Variants in FEM1B observed in about 807,000 individuals in gnomAD.
The protein encoded by FEM1B is fem-1 homolog B, also known as protein fem-1 homolog B.
Under a neutral mutation model 38.6 loss-of-function variants are expected in FEM1B, and 10 were observed. The ratio of observed to expected loss-of-function variants is 0.26; its 90% CI spans 0.16 to 0.44. The LOEUF (loss-of-function observed/expected upper bound fraction) is 0.44. FEM1B is among the 20% of genes least tolerant of loss of function. The pLI, the probability that FEM1B is intolerant of heterozygous loss-of-function variation, is 1.00. For missense variants in FEM1B, 471 were observed against 786.7 expected (o/e 0.60, Z 4.80); for synonymous variants, 288 against 288.0 (o/e 1.00, Z 0.00).
chr15:68,290,332 A>G lies in FEM1B; in HGVS notation c.974A>G (p.His325Arg). 1 of 1,614,186 alleles carries G rather than the reference A, an allele frequency of 6.2e-7. No individual in the cohort carries two copies. ...ESIRQDRDALHMEGLIVRERI... is the reference protein window; with the variant it reads ...ESIRQDRDALRMEGLIVRERI... ...ATTCGGCAAGACAGAGATGCTCTTC[A>G]TATGGAAGGCCTTATAGTTCGGGAA... is the stretch of plus-strand genomic sequence containing the variant. Residue 325 changes from histidine to arginine, a missense_variant, in exon 2 of 2, where the codon CAT (histidine) becomes CGT (arginine). Physicochemically the swap from His to Arg is conservative, Grantham distance 29 (BLOSUM62 0). Transcript: ENST00000306917. This position sits in a 1 kb window ranked among gnomAD's most constrained non-coding sequence, Gnocchi z 9.7.
Position 68,291,475 on chromosome 15 carries a change from T to G in FEM1B, c.*233T>G, listed in dbSNP as rs1015142353. The G allele has an allele frequency of 1.1e-5, 5 of 435,120 alleles. No homozygotes were observed. The highest frequency in any genetic ancestry group is 8.2e-5 in the African/African-American group (4 of 49,038). 27.0% of individuals were successfully genotyped at this position (435,120 alleles called of 1,614,324 possible). Reference sequence around the variant, plus strand: ...AACTATAAGGTATTTGCATATTGGTTACCTATTTGTCTTTCTTTTTTTTAA... The same window carrying G: ...AACTATAAGGTATTTGCATATTGGTGACCTATTTGTCTTTCTTTTTTTTAA... On this transcript the variant is annotated 3_prime_UTR_variant, in exon 2 of 2. Transcript: ENST00000306917. The surrounding 1 kb of genome is among the most constrained non-coding windows in gnomAD (Gnocchi z 6.9).
At position 68,293,744 on chromosome 15, in the gene FEM1B, T is replaced by A. The variant is rs560416090; in HGVS notation, c.*2502T>A. The A allele has an allele frequency of 1.6e-4, 25 of 151,894 alleles. No homozygotes were observed. The highest frequency in any genetic ancestry group is 2.4e-4 in the African/African-American group (10 of 41,162). The allele number at this position is 151,894 out of a possible 1,614,324, so 9.4% of individuals were successfully genotyped here. ...TAAGTGATCTACATGCCTGTTTTTT[T>A]AAAATGTTTTTGGTAGAATTGTTTG... On this transcript the variant is annotated 3_prime_UTR_variant, in exon 2 of 2. Transcript: ENST00000306917. The surrounding 1 kb of genome is among the most constrained non-coding windows in gnomAD (Gnocchi z 5.8).
rs1177277603 is a variant in FEM1B, at chr15:68,280,592, C to A, written c.248+1927C>A. Among the ~76,000 whole-genome samples the A allele has an allele frequency of 6.6e-6, 1 of 152,122 alleles. No individual in the cohort carries two copies. Among genetic ancestry groups the A allele is most frequent in the African/African-American group, 2.4e-5 (1 of 41,428 alleles). Reference sequence around the variant, plus strand: ...TGTGTTTTAAAGAATAGTAGTAGGACATGAAGAAGAGGGGCAGCAGCTTGG... The same window carrying A: ...TGTGTTTTAAAGAATAGTAGTAGGAAATGAAGAAGAGGGGCAGCAGCTTGG... On this transcript the variant is annotated intron_variant, in intron 1 of 1. Transcript: ENST00000306917. The surrounding 1 kb of genome is among the most constrained non-coding windows in gnomAD (Gnocchi z 4.2).
In FEM1B at chr15:68,280,568, G is replaced by C. The variant is rs1172023607; in HGVS notation, c.248+1903G>C. 5.3e-5 allele frequency among the ~76,000 whole-genome samples: 8 copies of C among 152,206 alleles called. No homozygotes were observed. The highest frequency in any genetic ancestry group is 4.6e-4 in the Admixed American group (7 of 15,284). Reference sequence around the variant, plus strand: ...TCACAGAGGAGGTGACGTTCGAGCTGTGTTTTAAAGAATAGTAGTAGGACA... The same window carrying C: ...TCACAGAGGAGGTGACGTTCGAGCTCTGTTTTAAAGAATAGTAGTAGGACA... On this transcript the variant is annotated intron_variant, in intron 1 of 1. Coordinates refer to ENST00000306917, the MANE Select transcript of FEM1B (RefSeq NM_015322.5). The surrounding 1 kb of genome is among the most constrained non-coding windows in gnomAD (Gnocchi z 4.2).
rs1173670364 is a variant in FEM1B at position 68,295,416 on chromosome 15, T to C, written c.*4174T>C. 1 of 152,172 alleles carries C rather than the reference T, an allele frequency of 6.6e-6. No individual in the cohort carries two copies. Among genetic ancestry groups the C allele is most frequent in the Non-Finnish European group, 1.5e-5 (1 of 68,016 alleles). The allele number at this position is 152,172 out of a possible 1,614,324, so 9.4% of individuals were successfully genotyped here. A position where few individuals can be genotyped will look rare whatever the true frequency, so the allele number is the denominator to read the frequency against. ...TTTGTTGTTGTTGCTTAGTAACTGGTAGAGGAGAAAAGATGAGGAAAGAAA... is the reference window on the plus strand; with the variant it reads ...TTTGTTGTTGTTGCTTAGTAACTGGCAGAGGAGAAAAGATGAGGAAAGAAA... On this transcript the variant is annotated 3_prime_UTR_variant, in exon 2 of 2. Coordinates refer to ENST00000306917, the MANE Select transcript of FEM1B (RefSeq NM_015322.5).
In FEM1B at chr15:68,295,764, G is replaced by C. The variant is rs1892900448; in HGVS notation, c.*4522G>C. ...ATGTAGAGTCATTTTTAGTTTCATG[G>C]CAATTGACAGTCCTAATAACTCAGC... On this transcript the variant is annotated 3_prime_UTR_variant, in exon 2 of 2. Coordinates refer to ENST00000306917, the MANE Select transcript of FEM1B (RefSeq NM_015322.5). The C allele has an allele frequency of 6.6e-6, 1 of 152,030 alleles. No individual in the cohort carries two copies. Among genetic ancestry groups the C allele is most frequent in the Non-Finnish European group, 1.5e-5 (1 of 68,008 alleles). The allele number at this position is 152,030 out of a possible 1,614,324, so 9.4% of individuals were successfully genotyped here.
rs1187988242 is a variant in FEM1B at position 68,293,434 on chromosome 15, T to C, written c.*2192T>C. On this transcript the variant is annotated 3_prime_UTR_variant, in exon 2 of 2. Transcript: ENST00000306917. This position sits in a 1 kb window ranked among gnomAD's most constrained non-coding sequence, Gnocchi z 5.8. ...ACACTGCTTATTTATAAAATGAGAA[T>C]AATGATTATATGTACATATTCAGAC... The C allele has an allele frequency of 6.6e-6, 1 of 152,214 alleles. No homozygotes were observed. Among genetic ancestry groups the C allele is most frequent in the Non-Finnish European group, 1.5e-5 (1 of 68,024 alleles). The allele number at this position is 152,214 out of a possible 1,614,324, so 9.4% of individuals were successfully genotyped here. A position where few individuals can be genotyped will look rare whatever the true frequency, so the allele number is the denominator to read the frequency against.
chr15:68,278,249 G>C lies in FEM1B; in HGVS notation c.-169G>C. The stretch of plus-strand genomic sequence containing the variant: ...CTTCGCGGCACTCGGCCTCCTCTGC[G>C]TCTCCGCCTTCCCTGGGCCGCACTG... On this transcript the variant is annotated 5_prime_UTR_variant, in exon 1 of 2. Transcript: ENST00000306917. This position sits in a 1 kb window ranked among gnomAD's most constrained non-coding sequence, Gnocchi z 5.7. 1.1e-6 allele frequency: 1 copy of C among 901,304 alleles called. No homozygotes were observed. The highest frequency in any genetic ancestry group is 1.6e-6 in the Non-Finnish European group (1 of 616,646). 55.8% of individuals were successfully genotyped at this position (901,304 alleles called of 1,614,324 possible). A position where few individuals can be genotyped will look rare whatever the true frequency, so the allele number is the denominator to read the frequency against.
At chr15:68,283,532 A>AAAAAAAAAAAAAAG (rs1892750843) in intron 1 of FEM1B, among the ~76,000 whole-genome samples, 1 of 135,738 alleles carries the variant, frequency 7.4e-6, no homozygotes, top group African/African-American at 2.8e-5. Context: ...AAAAAAAAAA[A>AAAAAAAAAAAAAAG]GGTAGTATGC....
chr15:68,288,783 T>C lies in FEM1B; in HGVS notation c.249-824T>C, dbSNP rs980221656. ...GACAAGCAGTATATGCACACACATATACATATACATTTTAAAACTTTTAAA... is the reference window on the plus strand; with the variant it reads ...GACAAGCAGTATATGCACACACATACACATATACATTTTAAAACTTTTAAA... On this transcript the variant is annotated intron_variant, in intron 1 of 1. Transcript: ENST00000306917. This position sits in a 1 kb window ranked among gnomAD's most constrained non-coding sequence, Gnocchi z 4.6. 8.5e-5 allele frequency among the ~76,000 whole-genome samples: 13 copies of C among 152,314 alleles called. No homozygotes were observed. The East Asian group carries it at 1.2e-3, about 14-fold the overall frequency.
chr15:68,279,360 T>A, intron 1 of FEM1B, among the ~76,000 whole-genome samples: 1 of 152,226 alleles, frequency 6.6e-6, no homozygotes, highest in Admixed American at 6.5e-5. Context: ...CATTTACTGT[T>A]AGTTGAGGTG....
In FEM1B at chr15:68,290,657, C is replaced by A; in HGVS notation, c.1299C>A (p.Val433=). ...TGAAAAATATTTCAGATGCTGATGTCCACAATGCTATGGACAATTATGAAT... is the reference window on the plus strand; with the variant it reads ...TGAAAAATATTTCAGATGCTGATGTACACAATGCTATGGACAATTATGAAT... ...NRVKNISDAD[V]HNAMDNYECN... The change falls in exon 2 of 2, where the codon GTC becomes GTA. Residue 433 remains valine, a synonymous_variant. Coordinates refer to ENST00000306917, the MANE Select transcript of FEM1B (RefSeq NM_015322.5). The surrounding 1 kb of genome is among the most constrained non-coding windows in gnomAD (Gnocchi z 9.7). 1 of 1,613,710 alleles carries A rather than the reference C, an allele frequency of 6.2e-7. No individual in the cohort carries two copies. Among genetic ancestry groups the A allele is most frequent in the Non-Finnish European group, 8.5e-7 (1 of 1,179,624 alleles).
Position 68,278,445 on chromosome 15 carries a change from A to G in FEM1B, c.28A>G (p.Lys10Glu). MEGLAGYVY[K>E]AASEGKVLTL... ...GGAGGGCCTGGCTGGCTATGTATAC[A>G]AGGCGGCCAGCGAGGGCAAGGTGCT... Residue 10 changes from lysine to glutamate, a missense_variant, in exon 1 of 2, where the codon AAG (lysine) becomes GAG (glutamate). Coordinates refer to ENST00000306917, the MANE Select transcript of FEM1B (RefSeq NM_015322.5). The surrounding 1 kb of genome is among the most constrained non-coding windows in gnomAD (Gnocchi z 5.7). The G allele has an allele frequency of 6.2e-7, 1 of 1,613,118 alleles. No homozygotes were observed. Among genetic ancestry groups the G allele is most frequent in the South Asian group, 1.1e-5 (1 of 91,054 alleles).
chr15:68,288,988 TATA>T lies in FEM1B; in HGVS notation c.249-615_249-613del, dbSNP rs1388015288. Among the ~76,000 whole-genome samples the T allele has an allele frequency of 6.6e-6, 1 of 152,220 alleles. No homozygotes were observed. The highest frequency in any genetic ancestry group is 1.5e-5 in the Non-Finnish European group (1 of 68,034). ...GCAGATAGGTATGTAAATGTAATAATATAATATGTGCTGTGTTCATCTGACTTC... is the reference window on the plus strand; with the variant it reads ...GCAGATAGGTATGTAAATGTAATAATATATGTGCTGTGTTCATCTGACTTC... On this transcript the variant is annotated intron_variant, in intron 1 of 1. Transcript: ENST00000306917. This position sits in a 1 kb window ranked among gnomAD's most constrained non-coding sequence, Gnocchi z 4.6.
Position 68,290,661 on chromosome 15 carries a change from A to T in FEM1B, c.1303A>T (p.Asn435Tyr). 1.2e-6 allele frequency: 2 copies of T among 1,613,940 alleles called. No homozygotes were observed. The highest frequency in any genetic ancestry group is 1.7e-4 in the Middle Eastern group (1 of 6,060). Reference sequence around the variant, plus strand: ...AAATATTTCAGATGCTGATGTCCACAATGCTATGGACAATTATGAATGTAA... The same window carrying T: ...AAATATTTCAGATGCTGATGTCCACTATGCTATGGACAATTATGAATGTAA... ...VKNISDADVH[N>Y]AMDNYECNLY... The change falls in exon 2 of 2, where the codon AAT (asparagine) becomes TAT (tyrosine). Residue 435 changes from asparagine (N) to tyrosine (Y), a missense_variant. Transcript: ENST00000306917. The surrounding 1 kb of genome is among the most constrained non-coding windows in gnomAD (Gnocchi z 9.7).
At position 68,290,400 on chromosome 15, in the gene FEM1B, A is replaced by G. The variant is rs1348666384; in HGVS notation, c.1042A>G (p.Ile348Val). The G allele has an allele frequency of 6.2e-7, 1 of 1,614,186 alleles. No individual in the cohort carries two copies. Among genetic ancestry groups the G allele is most frequent in the Non-Finnish European group, 8.5e-7 (1 of 1,180,028 alleles). The stretch of plus-strand genomic sequence containing the variant: ...CAATATTGATGTTTCTCATCCCATC[A>G]TTTACAGAGGAGCTGTTTATGCGGA... ...ADNIDVSHPI[I>V]YRGAVYADNM... The change falls in exon 2 of 2, where the codon ATT becomes GTT. Residue 348 changes from isoleucine to valine, a missense_variant. Physicochemically the swap from Ile to Val is conservative, Grantham distance 29. This residue lies in a region of FEM1B where 380 missense variants were observed against 599.6 expected (regional missense o/e 0.63). Coordinates refer to ENST00000306917, the MANE Select transcript of FEM1B (RefSeq NM_015322.5). This position sits in a 1 kb window ranked among gnomAD's most constrained non-coding sequence, Gnocchi z 9.7.
In FEM1B at chr15:68,278,405, G is replaced by A. The variant is rs1436909690; in HGVS notation, c.-13G>A. On this transcript the variant is annotated 5_prime_UTR_variant, in exon 1 of 2. Coordinates refer to ENST00000306917, the MANE Select transcript of FEM1B (RefSeq NM_015322.5). The surrounding 1 kb of genome is among the most constrained non-coding windows in gnomAD (Gnocchi z 5.7). Reference sequence around the variant, plus strand: ...CGGTGGCGACCAAACGGGTGTTGGAGTTGGCGGCGGCCATGGAGGGCCTGG... The same window carrying A: ...CGGTGGCGACCAAACGGGTGTTGGAATTGGCGGCGGCCATGGAGGGCCTGG... 2.5e-6 allele frequency: 4 copies of A among 1,606,806 alleles called. No homozygotes were observed. Among genetic ancestry groups the A allele is most frequent in the Non-Finnish European group, 3.4e-6 (4 of 1,176,892 alleles).
rs373528730 is a variant in FEM1B at position 68,278,279 on chromosome 15, CT to C, written c.-138del. 749 of 1,174,444 alleles carry C rather than the reference CT, an allele frequency of 6.4e-4. 10 individuals are homozygous for C. The East Asian group carries it at 0.018, about 28-fold the overall frequency. 72.8% of individuals were successfully genotyped at this position (1,174,444 alleles called of 1,614,324 possible). ...CGCCTTCCCTGGGCCGCACTGCTGC[CT>C]GGGCGCGGCGGCGGCGACGGCGCCC... On this transcript the variant is annotated 5_prime_UTR_variant, in exon 1 of 2. Coordinates refer to ENST00000306917, the MANE Select transcript of FEM1B (RefSeq NM_015322.5). The surrounding 1 kb of genome is among the most constrained non-coding windows in gnomAD (Gnocchi z 5.7).
chr15:68,294,110 T>C lies in FEM1B; in HGVS notation c.*2868T>C, dbSNP rs1892877190. 1 of 152,144 alleles carries C rather than the reference T, an allele frequency of 6.6e-6. No homozygotes were observed. The highest frequency in any genetic ancestry group is 6.5e-5 in the Admixed American group (1 of 15,280). 9.4% of individuals were successfully genotyped at this position (152,144 alleles called of 1,614,324 possible). Reference sequence around the variant, plus strand: ...CTTGATAGAGTTGGCAAAATTGAACTATGAAGTTAACTATTTAACTCAAGG... The same window carrying C: ...CTTGATAGAGTTGGCAAAATTGAACCATGAAGTTAACTATTTAACTCAAGG... On this transcript the variant is annotated 3_prime_UTR_variant, in exon 2 of 2. Coordinates refer to ENST00000306917, the MANE Select transcript of FEM1B (RefSeq NM_015322.5). The surrounding 1 kb of genome is among the most constrained non-coding windows in gnomAD (Gnocchi z 4.4).
Sources: allele counts gnomAD v4.1 joint callset (sites outside exome capture counted in the v4.1 genomes callset), GRCh38; gene constraint gnomAD v4.1.1; regional missense constraint gnomAD v4.1.1; non-coding constraint Gnocchi (gnomAD v3.1); transcripts MANE v1.5; gene names NCBI Gene and HGNC (gene_info 2026-07-23, HGNC 2026-07-21).